SCAPER: variants seen among roughly 807,000 people sequenced by gnomAD.
SCAPER encodes the protein S phase cyclin A-associated protein in the endoplasmic reticulum.
A neutral mutation model predicts 182.2 loss-of-function variants in SCAPER; 98 were observed. The observed-to-expected ratio is 0.54, with a 90% CI of 0.46 to 0.64. SCAPER has a LOEUF of 0.64. Ranked by LOEUF, SCAPER falls within the 30% of genes least tolerant of loss-of-function variation. The probability of loss-of-function intolerance (pLI) is 0.00; values close to 1 mark genes in which losing one functional copy is unlikely to be tolerated. For missense variants in SCAPER, 1,432 were observed against 1,690.0 expected, an observed-to-expected ratio of 0.85 and a Z score of 2.68; for synonymous variants, 605 against 564.6, an observed-to-expected ratio of 1.07 and a Z score of -1.01.
chr15:76,643,470 T>C (rs1353287466), intron 21 of SCAPER, among the ~76,000 whole-genome samples: 4 of 152,036 alleles, frequency 2.6e-5, no homozygotes, highest in Non-Finnish European at 4.4e-5. Context: ...TCACTTGAGG[T>C]CAGGAGTTCA....
chr15:76,665,658 G>A lies in SCAPER; in HGVS notation c.2640C>T (p.Asn880=). 1 of 1,588,648 alleles carries A rather than the reference G, an allele frequency of 6.3e-7. No individual in the cohort carries two copies. The highest frequency in any genetic ancestry group is 1.8e-5 in the Admixed American group (1 of 55,580). ...KKAKKIKARM[N]FRAKEYESLM... ...TTTAAGGGTATTTAAGGTACCTGAA[G>A]TTCATCCGGGCTTTTATCTTTTTGG... is the stretch of plus-strand genomic sequence containing the variant. Residue 880 remains asparagine, a synonymous_variant, in exon 21 of 32, where the codon AAC becomes AAT. Coordinates refer to ENST00000563290, the MANE Select transcript of SCAPER (RefSeq NM_020843.4).
intron 23 of SCAPER, among the ~76,000 whole-genome samples, chr15:76,563,015 TTAAC>T (rs1255673940): frequency 6.6e-6 from 1 of 152,174 alleles, no homozygotes; most frequent in African/African-American, 2.4e-5. Flanking sequence ...CTAGACATGT[TTAAC>T]TAACATGTGG....
intron 5 of SCAPER, among the ~76,000 whole-genome samples, chr15:76,831,255 C>G (rs1028420305): frequency 2.6e-5 from 4 of 152,218 alleles, no homozygotes; most frequent in East Asian, 3.9e-4. Context: ...CAGTACAGGG[C>G]CAGTCTGATC....
intron 15 of SCAPER, among the ~76,000 whole-genome samples, chr15:76,750,869 T>C (rs1311365639): frequency 6.6e-6 from 1 of 151,818 alleles, no homozygotes; most frequent in Non-Finnish European, 1.5e-5. Context: ...TTATTTAAGG[T>C]AGCACCAGAA....
intron 21 of SCAPER, among the ~76,000 whole-genome samples, chr15:76,628,197 T>C (rs1375016404): frequency 6.6e-6 from 1 of 152,216 alleles, no homozygotes; most frequent in Non-Finnish European, 1.5e-5. Flanking sequence ...ATTAGATGCA[T>C]AGATTGCAAA....
intron 23 of SCAPER, among the ~76,000 whole-genome samples, chr15:76,541,861 A>C (rs1409265900): frequency 6.6e-6 from 1 of 152,234 alleles, no homozygotes; most frequent in Non-Finnish European, 1.5e-5. Flanking sequence ...AATTTTGTAG[A>C]TCATGTGCTT....
intron 31 of SCAPER, chr15:76,350,390 G>GTGTGTGTGTA (rs1296813223): frequency 1.3e-5 from 2 of 151,494 alleles, no homozygotes; most frequent in African/African-American, 4.9e-5. Context: ...GTGTGTGTGT[G>GTGTGTGTGTA]TGTGTGAAAG....
intron 25 of SCAPER, among the ~76,000 whole-genome samples, chr15:76,464,521 C>T (rs934586755): frequency 1.3e-5 from 2 of 151,724 alleles, no homozygotes; most frequent in African/African-American, 2.4e-5. Flanking sequence ...TTTTGTATCC[C>T]ATGGAGACTG....
At chr15:76,563,272 T>C (rs1397867685) in intron 23 of SCAPER, among the ~76,000 whole-genome samples, 1 of 151,916 alleles carries the variant, frequency 6.6e-6, no homozygotes, top group Non-Finnish European at 1.5e-5. Flanking sequence ...CTGTATTACA[T>C]AAGGCAAGAG....
At chr15:76,764,792 G>T (rs576276076) in intron 14 of SCAPER, among the ~76,000 whole-genome samples, 169 bp downstream of exon 14, 1 of 152,180 alleles carries the variant, frequency 6.6e-6, no homozygotes, top group Admixed American at 6.5e-5. Flanking sequence ...TGAAAATGAC[G>T]ATTTTTTAAT....
chr15:76,887,074 G>A (rs1381852012), intron 1 of SCAPER, among the ~76,000 whole-genome samples: 1 of 152,116 alleles, frequency 6.6e-6, no homozygotes, highest in East Asian at 1.9e-4. Context: ...CTTAGGTAAT[G>A]AAATAATCTG....
At chr15:76,828,702 G>C (rs983272765) in intron 5 of SCAPER, among the ~76,000 whole-genome samples, 1 of 152,146 alleles carries the variant, frequency 6.6e-6, no homozygotes, top group Non-Finnish European at 1.5e-5. Context: ...ATGAAGAAAC[G>C]ATGGCTATTA....
intron 23 of SCAPER, among the ~76,000 whole-genome samples, chr15:76,546,175 C>T (rs150783432): frequency 8.5e-5 from 13 of 152,164 alleles, no homozygotes; most frequent in African/African-American, 3.1e-4. Context: ...AATCTACACA[C>T]CAAGATACAC....
intron 24 of SCAPER, among the ~76,000 whole-genome samples, chr15:76,487,451 A>G (rs975583859): frequency 3.9e-5 from 6 of 152,238 alleles, no homozygotes. Flanking sequence ...TGTTAGATAC[A>G]CAACATTATG....
chr15:76,866,825 T>G (rs1041713706), intron 2 of SCAPER, among the ~76,000 whole-genome samples: 2 of 152,188 alleles, frequency 1.3e-5, no homozygotes, highest in East Asian at 3.8e-4. Context: ...AGATGTCTAT[T>G]TCAAACAGTA....
chr15:76,712,055 G>T (rs2059612826), intron 17 of SCAPER, among the ~76,000 whole-genome samples: 1 of 152,116 alleles, frequency 6.6e-6, no homozygotes, highest in Non-Finnish European at 1.5e-5. Context: ...TTCTTCTAGG[G>T]TTTTTATGGT....
At chr15:76,855,968 C>G (rs1473253110) in intron 4 of SCAPER, 3 of 275,426 alleles carry the variant, frequency 1.1e-5, no homozygotes, top group Non-Finnish European at 1.6e-5. Context: ...GACACATGCA[C>G]GTGAATGTTC....
At chr15:76,876,491 A>C (rs1047487745) in intron 2 of SCAPER, among the ~76,000 whole-genome samples, 1 of 152,118 alleles carries the variant, frequency 6.6e-6, no homozygotes, top group Non-Finnish European at 1.5e-5. Flanking sequence ...GTATAAACAT[A>C]AACGTACTTG....
At chr15:76,673,973 ACACAC>A (rs2057203082) in intron 20 of SCAPER, among the ~76,000 whole-genome samples, 1 of 151,750 alleles carries the variant, frequency 6.6e-6, no homozygotes, top group Non-Finnish European at 1.5e-5. Context: ...ACACACACAC[ACACAC>A]ACACACACAC....
Sources: gnomAD v4.1 joint callset for allele counts (sites outside exome capture counted in the v4.1 genomes callset) on GRCh38, gnomAD v4.1.1 for gene constraint, MANE v1.5 for transcripts, NCBI Gene and HGNC (gene_info 2026-07-23, HGNC 2026-07-21) for gene names.